Variants in HDAC9 observed in about 807,000 individuals in gnomAD.
HDAC9 encodes histone deacetylase 9.
Under a neutral mutation model 139.4 loss-of-function variants are expected in HDAC9, and 41 were observed. The ratio of observed to expected loss-of-function variants is 0.29; its 90% CI spans 0.23 to 0.38. The LOEUF (loss-of-function observed/expected upper bound fraction) is 0.38, where lower values mean the gene tolerates loss of function less well. HDAC9 is among the 10% of genes least tolerant of loss of function. HDAC9 has a pLI of 1.00. For missense variants in HDAC9, 1,147 were observed against 1,297.0 expected (o/e 0.88, Z 1.78); for synonymous variants, 517 against 476.2 (o/e 1.09, Z -1.12).
At chr7:18,326,895 G>C (rs1585191052) in intron 1 of HDAC9, among the ~76,000 whole-genome samples, 1 of 151,870 alleles carries the variant, frequency 6.6e-6, no homozygotes, top group East Asian at 1.9e-4. Context: ...AGTCCTGAAG[G>C]TTATTCAGGT....
chr7:18,372,806 G>C (rs1187971836), intron 1 of HDAC9, among the ~76,000 whole-genome samples: 1 of 152,166 alleles, frequency 6.6e-6, no homozygotes, highest in Non-Finnish European at 1.5e-5. Flanking sequence ...TGATGCCATG[G>C]TAGTGACTGG....
upstream of HDAC9, chr7:18,290,351 C>T (rs939272777): frequency 5.2e-5 from 21 of 406,294 alleles, no homozygotes; most frequent in Non-Finnish European, 8.3e-5. Flanking sequence ...GCATCAGGTA[C>T]TATTTAACCA....
intron 2 of HDAC9, among the ~76,000 whole-genome samples, chr7:18,177,075 A>T (rs771524653): frequency 1.3e-5 from 2 of 152,136 alleles, no homozygotes; most frequent in Non-Finnish European, 2.9e-5. Context: ...CTGTTGGGAG[A>T]ACTGATAATC....
At chr7:18,976,253 A>C (rs1398943134) in intron 25 of HDAC9, among the ~76,000 whole-genome samples, 1 of 152,262 alleles carries the variant, frequency 6.6e-6, no homozygotes, top group Non-Finnish European at 1.5e-5. Context: ...CGTTATGGAA[A>C]GAGCTGCTTG....
At chr7:18,849,997 G>A (rs977278996) in intron 21 of HDAC9, among the ~76,000 whole-genome samples, 1 of 150,276 alleles carries the variant, frequency 6.7e-6, no homozygotes, top group Non-Finnish European at 1.5e-5. Context: ...CAGTATGTCA[G>A]CAAAGTCCTT....
intron 21 of HDAC9, among the ~76,000 whole-genome samples, chr7:18,851,826 T>C (rs931811641): frequency 2.0e-5 from 3 of 152,236 alleles, no homozygotes; most frequent in African/African-American, 7.2e-5. Flanking sequence ...CATTTTCCGT[T>C]TTTCTTTCTT....
chr7:18,093,051 T>C (rs1178727424), intron 1 of HDAC9, among the ~76,000 whole-genome samples: 1 of 152,214 alleles, frequency 6.6e-6, no homozygotes, highest in Non-Finnish European at 1.5e-5. Context: ...CATTGTACTA[T>C]ATTTGTGGCC....
intron 17 of HDAC9, among the ~76,000 whole-genome samples, chr7:18,819,029 C>T (rs1365792228): frequency 6.6e-6 from 1 of 152,066 alleles, no homozygotes; most frequent in South Asian, 2.1e-4. Flanking sequence ...CCTGTAATGC[C>T]AGCACTTTAG....
chr7:18,705,661 G>A (rs1284834175), intron 12 of HDAC9, among the ~76,000 whole-genome samples: 1 of 151,728 alleles, frequency 6.6e-6, no homozygotes, highest in African/African-American at 2.4e-5. Flanking sequence ...GAGCAGCCTG[G>A]CCAACATGCC....
intron 12 of HDAC9, among the ~76,000 whole-genome samples, chr7:18,702,261 C>A (rs906662908): frequency 6.6e-6 from 1 of 152,142 alleles, no homozygotes; most frequent in Non-Finnish European, 1.5e-5. Flanking sequence ...TTACTGACAA[C>A]CAAATTGTTC....
chr7:18,298,336 G>A (rs1201678527), intron 1 of HDAC9, among the ~76,000 whole-genome samples: 3 of 149,776 alleles, frequency 2.0e-5, no homozygotes, highest in South Asian at 2.1e-4. Flanking sequence ...TGCACATTGT[G>A]CAGGTTAGTT....
chr7:18,753,678 A>T (rs1448642596), intron 14 of HDAC9, among the ~76,000 whole-genome samples: 11 of 152,164 alleles, frequency 7.2e-5, no homozygotes, highest in South Asian at 2.1e-4. Context: ...GTTTATGTCA[A>T]TTCATTTAGC....
intron 19 of HDAC9, among the ~76,000 whole-genome samples, chr7:18,834,836 G>C (rs1796119046): frequency 2.6e-5 from 4 of 152,206 alleles, no homozygotes; most frequent in African/African-American, 7.2e-5. Context: ...AACGCTTCAA[G>C]AAAGCCAATT....
intron 13 of HDAC9, among the ~76,000 whole-genome samples, chr7:18,731,815 G>A (rs200078796): frequency 1.2e-3 from 183 of 151,580 alleles, no homozygotes; most frequent in African/African-American, 4.2e-3. Flanking sequence ...TAGTAGAGAC[G>A]GGGTTTCTCC....
At chr7:18,852,323 A>C (rs1797360752) in intron 21 of HDAC9, among the ~76,000 whole-genome samples, 1 of 152,170 alleles carries the variant, frequency 6.6e-6, no homozygotes, top group African/African-American at 2.4e-5. Context: ...TCTTAATCCA[A>C]GTCTTGTGAG....
chr7:18,288,487 G>A (rs565750520), upstream of HDAC9, among the ~76,000 whole-genome samples: 4 of 152,126 alleles, frequency 2.6e-5, no homozygotes, highest in South Asian at 2.1e-4. Flanking sequence ...TCTTGAAAAA[G>A]TACTGGCTGC....
intron 24 of HDAC9, among the ~76,000 whole-genome samples, chr7:18,955,186 T>C (rs1299682174): frequency 6.6e-6 from 1 of 152,136 alleles, no homozygotes; most frequent in Non-Finnish European, 1.5e-5. Flanking sequence ...GGGTGCACTA[T>C]TCAAGTCTCT....
At position 18,455,603 on chromosome 7, in the gene HDAC9, G is replaced by T. The variant is rs181144267; in HGVS notation, c.-41-40659G>T. Among the ~76,000 whole-genome samples the T allele has an allele frequency of 9.1e-4, 133 of 146,774 alleles. 1 individual carries two copies. The South Asian group carries it at 9.5e-3, about 11-fold the overall frequency. On this transcript the variant is annotated intron_variant, in intron 1 of 3. Coordinates refer to the HDAC9 transcript ENST00000413509. Reference sequence around the variant, plus strand: ...GATTTTTATTTAATCATTTTCCAAAGGATGGATTGAAGCACAAAATCTGTT... The same window carrying T: ...GATTTTTATTTAATCATTTTCCAAATGATGGATTGAAGCACAAAATCTGTT...
intron 1 of HDAC9, among the ~76,000 whole-genome samples, chr7:18,425,082 A>G (rs1010472493): frequency 6.6e-6 from 1 of 152,170 alleles, no homozygotes; most frequent in Non-Finnish European, 1.5e-5. Flanking sequence ...TTTAATCTTG[A>G]GGTGTAGTAC....
Sources: allele counts gnomAD v4.1 joint callset (sites outside exome capture counted in the v4.1 genomes callset), GRCh38; gene constraint gnomAD v4.1.1; transcripts MANE v1.5; gene names NCBI Gene and HGNC (gene_info 2026-07-23, HGNC 2026-07-21).